PRUNE1: variants seen among roughly 807,000 people sequenced by gnomAD.
The protein encoded by PRUNE1 is prune exopolyphosphatase 1, also known as exopolyphosphatase PRUNE1.
In PRUNE1, 25 loss-of-function variants were observed where a neutral mutation model predicts 42.5. That is an observed-to-expected ratio of 0.59 (90% CI 0.43 to 0.82). The LOEUF (loss-of-function observed/expected upper bound fraction) is 0.82, where lower values mean the gene tolerates loss of function less well. Ranked by LOEUF, PRUNE1 falls within the 40% of genes least tolerant of loss-of-function variation. The pLI is 0.00. For missense variants in PRUNE1, 443 were observed against 539.3 expected (o/e 0.82, Z 1.77); for synonymous variants, 203 against 217.1 (o/e 0.93, Z 0.57).
intron 5 of PRUNE1, among the ~76,000 whole-genome samples, chr1:151,026,115 G>A (rs1674820673): frequency 6.6e-6 from 1 of 151,832 alleles, no homozygotes; most frequent in Non-Finnish European, 1.5e-5. Context: ...GTCATTTACT[G>A]GATTGTTCTA....
chr1:151,011,435 C>T (rs1447333796), intron 1 of PRUNE1, among the ~76,000 whole-genome samples: 1 of 152,176 alleles, frequency 6.6e-6, no homozygotes, highest in African/African-American at 2.4e-5. Context: ...AGGTGTTCAT[C>T]CAGGACCCCT....
Position 151,024,795 on chromosome 1 carries a change from G to C in PRUNE1, c.520G>C (p.Gly174Arg), listed in dbSNP as rs200618384. 1 of 1,608,042 alleles carries C rather than the reference G, an allele frequency of 6.2e-7. No homozygotes were observed. The highest frequency in any genetic ancestry group is 1.3e-5 in the African/African-American group (1 of 74,932). The change falls in exon 4 of 8, where the codon GGA becomes CGA. Residue 174 changes from glycine (G) to arginine (R), a missense_variant and splice_region_variant. Gly to Arg is a moderately radical substitution (Grantham distance 125). Transcript: ENST00000271620. ...CAGGCAAACTGCAGCCCTTCTGCAT[G>C]GTAAGGGTGGCTTTTGGATTGGGAC... is the stretch of plus-strand genomic sequence containing the variant. ...LDRQTAALLH[G>R]TIILDCVNMD...
chr1:151,028,655 C>T (rs918684334), intron 6 of PRUNE1, 131 bp from the exon 7 acceptor site: 3 of 892,156 alleles, frequency 3.4e-6, no homozygotes, highest in Non-Finnish European at 5.2e-6. Flanking sequence ...AACTCCTGAC[C>T]TCAAGTGATC....
chr1:151,019,042 CA>C lies in PRUNE1; in HGVS notation c.335+379del, dbSNP rs587711001. The stretch of plus-strand genomic sequence containing the variant: ...TGAGCGACAGAGCCAGACTCCGTCT[CA>C]AAAAAGAAAGAGTTTTTGCTTTCAG... On this transcript the variant is annotated intron_variant, in intron 3 of 7. Transcript: ENST00000271620. Among the ~76,000 whole-genome samples, 704 of 152,000 alleles carry C rather than the reference CA, an allele frequency of 4.6e-3. 4 individuals are homozygous for C. Among genetic ancestry groups the C allele is most frequent in the Non-Finnish European group, 8.1e-3 (550 of 67,972 alleles).
chr1:151,027,415 A>AC, intron 6 of PRUNE1, 88 bp downstream of exon 6: 1 of 906,598 alleles, frequency 1.1e-6, no homozygotes, highest in South Asian at 1.5e-5. Context: ...TTCCTGGCTC[A>AC]CCTCCAAAAT....
chr1:151,033,542 C>T (rs1258235577), intron 7 of PRUNE1, among the ~76,000 whole-genome samples: 5 of 151,852 alleles, frequency 3.3e-5, no homozygotes, highest in African/African-American at 1.2e-4. Context: ...AGGCACCCGC[C>T]ACCATGCCCG....
At chr1:151,024,301 T>C (rs1425838286) in intron 3 of PRUNE1, among the ~76,000 whole-genome samples, 1 of 151,966 alleles carries the variant, frequency 6.6e-6, no homozygotes, top group Non-Finnish European at 1.5e-5. Context: ...GAGACCAGAC[T>C]GGCCAACATG....
intron 2 of PRUNE1, 98 bp from the exon 3 acceptor site, chr1:151,018,369 A>G (rs767048761): frequency 7.6e-6 from 8 of 1,057,442 alleles, no homozygotes; most frequent in Non-Finnish European, 1.0e-5. Context: ...GAAAGGTGGT[A>G]ACTTACCTAA....
intron 1 of PRUNE1, among the ~76,000 whole-genome samples, chr1:151,009,678 G>C (rs1404388923): frequency 6.6e-6 from 1 of 152,206 alleles, no homozygotes; most frequent in Non-Finnish European, 1.5e-5. Flanking sequence ...AATCCTGAAA[G>C]TCACTAATTC....
chr1:151,032,011 G>C (rs587645694), intron 7 of PRUNE1, among the ~76,000 whole-genome samples: 1 of 152,340 alleles, frequency 6.6e-6, no homozygotes, highest in East Asian at 1.9e-4. Flanking sequence ...TTGGGAGGCT[G>C]AGCTGGGCAG....
intron 1 of PRUNE1, 36 bp downstream of exon 1, chr1:151,008,707 G>A (rs1360932220): frequency 3.1e-6 from 5 of 1,611,662 alleles, no homozygotes; most frequent in Admixed American, 1.7e-5. Context: ...AAGGAATGGA[G>A]CACGGGGTCC....
chr1:151,026,648 A>T (rs1026406852), intron 5 of PRUNE1, among the ~76,000 whole-genome samples: 2 of 152,074 alleles, frequency 1.3e-5, no homozygotes, highest in Non-Finnish European at 2.9e-5. Flanking sequence ...TCTTGTACTC[A>T]GCTACCACCT....
chr1:151,029,603 G>C (rs587602412), intron 7 of PRUNE1, among the ~76,000 whole-genome samples: 1 of 151,418 alleles, frequency 6.6e-6, no homozygotes, highest in African/African-American at 2.4e-5. Context: ...TCCTGACCTC[G>C]TGATCCGCCC....
At position 151,027,082 on chromosome 1, in the gene PRUNE1, G is replaced by T; in HGVS notation, c.680-151G>T. The T allele has an allele frequency of 6.0e-6, 3 of 500,920 alleles. No homozygotes were observed. The South Asian group carries it at 6.8e-5, about 11-fold the overall frequency. 31.0% of individuals were successfully genotyped at this position (500,920 alleles called of 1,614,324 possible). ...ATTACAGGCCTGAGTCACCGCGCCC[G>T]GCTATGATTACATTTTCAATTATCT... On this transcript the variant is annotated intron_variant, in intron 5 of 7. Transcript: ENST00000271620.
chr1:151,034,511 G>T lies in PRUNE1; in HGVS notation c.*277G>T. 1 of 414,566 alleles carries T rather than the reference G, an allele frequency of 2.4e-6. No homozygotes were observed. The highest frequency in any genetic ancestry group is 3.6e-5 in the Admixed American group (1 of 27,410). 25.7% of individuals were successfully genotyped at this position (414,566 alleles called of 1,614,324 possible). A position where few individuals can be genotyped will look rare whatever the true frequency, so the allele number is the denominator to read the frequency against. ...GCCAGGGGCACGATGTGACATATCT[G>T]CAGTCCCAGCACAGTGGGACAAAAA... On this transcript the variant is annotated 3_prime_UTR_variant, in exon 8 of 8. Transcript: ENST00000271620.
At chr1:151,013,620 G>T (rs1336377708) in intron 1 of PRUNE1, among the ~76,000 whole-genome samples, 2 of 152,094 alleles carry the variant, frequency 1.3e-5, no homozygotes, top group Non-Finnish European at 2.9e-5. Flanking sequence ...CCTGCAGTAG[G>T]TCTCTCCTGC....
Position 151,035,339 on chromosome 1 carries a change from T to A in PRUNE1, c.*1105T>A, listed in dbSNP as rs977668348. 3.3e-5 allele frequency: 5 copies of A among 152,266 alleles called. No individual in the cohort carries two copies. The highest frequency in any genetic ancestry group is 1.2e-4 in the African/African-American group (5 of 41,448). 9.4% of individuals were successfully genotyped at this position (152,266 alleles called of 1,614,324 possible). On this transcript the variant is annotated 3_prime_UTR_variant, in exon 8 of 8. Coordinates refer to ENST00000271620, the MANE Select transcript of PRUNE1 (RefSeq NM_021222.3). ...ATTTCTGTGTGGTTGTAGCAAGGAC[T>A]CAGCCTCATGTAGCACGAATAGGGG...
At chr1:151,027,448 T>C (rs1674923065) in intron 6 of PRUNE1, 121 bp downstream of exon 6, 1 of 694,782 alleles carries the variant, frequency 1.4e-6, no homozygotes, top group East Asian at 2.8e-5. Flanking sequence ...TATCTTTGTC[T>C]CTACCTCCAC....
chr1:151,009,032 T>C (rs902706929), intron 1 of PRUNE1, among the ~76,000 whole-genome samples: 1 of 151,860 alleles, frequency 6.6e-6, no homozygotes, highest in Admixed American at 6.6e-5. Context: ...CCGCGAGGTG[T>C]GTTTATTCTT....
Sources: gnomAD v4.1 joint callset for allele counts (sites outside exome capture counted in the v4.1 genomes callset) on GRCh38, gnomAD v4.1.1 for gene constraint, MANE v1.5 for transcripts, NCBI Gene and HGNC (gene_info 2026-07-23, HGNC 2026-07-21) for gene names.